The following CCDC192 variants were observed in gnomAD, a reference collection of about 807,000 sequenced individuals.
CCDC192 encodes the protein coiled-coil domain containing 192.
At chr5:127,738,960 C>A (rs984638129) in intron 2 of CCDC192, among the ~76,000 whole-genome samples, 4 of 151,858 alleles carry the variant, frequency 2.6e-5, no homozygotes, top group Non-Finnish European at 4.4e-5. Context: ...AGCTTTGTTC[C>A]GTTGCTGGTG....
At chr5:127,773,879 G>A (rs1184240549) in intron 3 of CCDC192, among the ~76,000 whole-genome samples, 3 of 152,138 alleles carry the variant, frequency 2.0e-5, no homozygotes, top group African/African-American at 7.2e-5. Flanking sequence ...ATTCTTACCA[G>A]CAATGTACAA....
intron 3 of CCDC192, among the ~76,000 whole-genome samples, chr5:127,778,815 C>A (rs1317116038): frequency 2.0e-5 from 3 of 151,370 alleles, no homozygotes; most frequent in African/African-American, 4.9e-5. Context: ...GGTCAATTGA[C>A]ATTTTCTATT....
At chr5:127,835,651 T>A (rs1750002556) in intron 5 of CCDC192, among the ~76,000 whole-genome samples, 1 of 152,092 alleles carries the variant, frequency 6.6e-6, no homozygotes, top group African/African-American at 2.4e-5. Context: ...AGAATCATGG[T>A]GGAAGGGGAA....
chr5:127,722,533 C>G (rs937349796), intron 2 of CCDC192, among the ~76,000 whole-genome samples: 2 of 151,904 alleles, frequency 1.3e-5, no homozygotes, highest in Non-Finnish European at 2.9e-5. Flanking sequence ...AAATATTTGC[C>G]CAGAACAATG....
intron 2 of CCDC192, among the ~76,000 whole-genome samples, chr5:127,737,180 A>T (rs371945918): frequency 3.3e-5 from 5 of 151,756 alleles, no homozygotes; most frequent in Admixed American, 3.3e-4. Context: ...CCTTCATTTC[A>T]TTATGTACCC....
intron 5 of CCDC192, among the ~76,000 whole-genome samples, chr5:127,838,909 A>G (rs1031057681): frequency 3.3e-5 from 5 of 152,182 alleles, no homozygotes; most frequent in Non-Finnish European, 7.4e-5. Context: ...CCTCAAACAC[A>G]CTGACAGCCT....
chr5:127,840,130 T>C (rs1283019774), intron 5 of CCDC192, among the ~76,000 whole-genome samples: 2 of 152,184 alleles, frequency 1.3e-5, no homozygotes, highest in African/African-American at 2.4e-5. Context: ...CATGAAAACC[T>C]GAAGCCAGAG....
intron 3 of CCDC192, among the ~76,000 whole-genome samples, chr5:127,777,559 T>C (rs1224488815): frequency 6.6e-6 from 1 of 152,138 alleles, no homozygotes; most frequent in African/African-American, 2.4e-5. Flanking sequence ...GGTTTTGGAA[T>C]GTGAGGACAT....
At chr5:127,744,062 C>T (rs1436509126) in intron 2 of CCDC192, among the ~76,000 whole-genome samples, 2 of 148,278 alleles carry the variant, frequency 1.3e-5, no homozygotes, top group Non-Finnish European at 3.0e-5. Context: ...CCACTGCACT[C>T]CAGCCTGGGC....
chr5:127,893,588 G>A (rs903080408), intron 6 of CCDC192, among the ~76,000 whole-genome samples: 1 of 152,112 alleles, frequency 6.6e-6, no homozygotes, highest in Non-Finnish European at 1.5e-5. Flanking sequence ...TGATAATCTG[G>A]AAATATCAAA....
intron 6 of CCDC192, among the ~76,000 whole-genome samples, chr5:127,910,223 A>T (rs1753308444): frequency 6.6e-6 from 1 of 152,218 alleles, no homozygotes; most frequent in Admixed American, 6.5e-5. Context: ...GGCTGTCAAG[A>T]TGATGAATGT....
intron 3 of CCDC192, among the ~76,000 whole-genome samples, chr5:127,790,069 A>G (rs972108727): frequency 7.2e-5 from 11 of 152,236 alleles, no homozygotes; most frequent in Admixed American, 6.5e-4. Flanking sequence ...TAGCCACAGC[A>G]TGGATGGATC....
At chr5:127,726,129 C>G (rs938034867) in intron 2 of CCDC192, among the ~76,000 whole-genome samples, 15 of 151,972 alleles carry the variant, frequency 9.9e-5, no homozygotes, top group African/African-American at 3.4e-4. Context: ...GCTCAATGGA[C>G]TTGTGTGATA....
chr5:127,739,350 A>G (rs1202822555), intron 2 of CCDC192, among the ~76,000 whole-genome samples: 3 of 152,144 alleles, frequency 2.0e-5, no homozygotes, highest in Non-Finnish European at 1.5e-5. Flanking sequence ...AGACAGGGAC[A>G]TTTAAGTCTG....
At chr5:127,763,795 C>T (rs908095846) in intron 3 of CCDC192, among the ~76,000 whole-genome samples, 2 of 152,064 alleles carry the variant, frequency 1.3e-5, no homozygotes, top group African/African-American at 4.8e-5. Context: ...ATTAATACAC[C>T]CCTTTCCCTC....
At chr5:127,905,797 C>CA (rs1021883470) in intron 6 of CCDC192, among the ~76,000 whole-genome samples, 6 of 151,566 alleles carry the variant, frequency 4.0e-5, no homozygotes, top group South Asian at 2.1e-4. Flanking sequence ...AATCATAGCT[C>CA]AAAAAAAAGC....
chr5:127,803,870 A>T (rs927122195), intron 5 of CCDC192, among the ~76,000 whole-genome samples: 1 of 152,250 alleles, frequency 6.6e-6, no homozygotes, highest in Admixed American at 6.5e-5. Flanking sequence ...GATACATTTC[A>T]TAATAAACTA....
At chr5:127,916,181 C>T (rs888788968) in intron 6 of CCDC192, among the ~76,000 whole-genome samples, 2 of 152,182 alleles carry the variant, frequency 1.3e-5, no homozygotes, top group East Asian at 1.9e-4. Flanking sequence ...TCTGCTTATC[C>T]GCAAGAAGCA....
intron 2 of CCDC192, among the ~76,000 whole-genome samples, chr5:127,713,594 G>A (rs2126783907): frequency 6.6e-6 from 1 of 152,146 alleles, no homozygotes; most frequent in East Asian, 1.9e-4. Flanking sequence ...GTATTTTCAT[G>A]GACCACGCTT....
Sources: allele counts gnomAD v4.1 joint callset (sites outside exome capture counted in the v4.1 genomes callset), GRCh38; gene constraint gnomAD v4.1.1; transcripts MANE v1.5; gene names NCBI Gene and HGNC (gene_info 2026-07-23, HGNC 2026-07-21).